Variants in RGPD3 observed in about 807,000 individuals in gnomAD.
The protein encoded by RGPD3 is ranBP2-like and GRIP domain-containing protein 3.
Under a neutral mutation model 154.5 loss-of-function variants are expected in RGPD3, and 62 were observed. The ratio of observed to expected loss-of-function variants is 0.40; its 90% CI spans 0.33 to 0.50. The LOEUF (loss-of-function observed/expected upper bound fraction) is 0.50, where lower values mean the gene tolerates loss of function less well. RGPD3 is among the 20% of genes least tolerant of loss of function. The probability of loss-of-function intolerance (pLI) is 0.59; values close to 1 mark genes in which losing one functional copy is unlikely to be tolerated. For synonymous variants in RGPD3, 308 were observed against 607.0 expected (o/e 0.51, Z 7.24); for missense variants, 919 against 1,716.8 (o/e 0.54, Z 8.21).
At chr2:106,470,816 AAGG>A, upstream of RGPD3, 1 of 1,604,122 alleles carries the variant, frequency 6.2e-7, no homozygotes, top group Non-Finnish European at 8.5e-7. Flanking sequence ...CCAATGATCC[AAGG>A]AGTTTACTAA....
chr2:106,431,575 T>C (rs1005713452), intron 17 of RGPD3, among the ~76,000 whole-genome samples: 1 of 152,176 alleles, frequency 6.6e-6, no homozygotes, highest in Admixed American at 6.5e-5. Context: ...ACCTGTATGT[T>C]AAGTCAAAAT....
intron 7 of RGPD3, among the ~76,000 whole-genome samples, 196 bp from the exon 8 acceptor site, chr2:106,441,576 C>T (rs561981361): frequency 1.3e-5 from 2 of 151,500 alleles, no homozygotes; most frequent in African/African-American, 2.4e-5. Context: ...CAGGTACAGG[C>T]GTGGTGGCTC....
Position 106,417,981 on chromosome 2 carries a change from T to C in RGPD3, c.4925-1992A>G, listed in dbSNP as rs534743646. ...CTATCTCTACTAAAAATGCAAAAAT[T>C]AGCCAGGCACAGTGGCAGGTGCCTG... On this transcript the variant is annotated intron_variant, in intron 20 of 22. Transcript: ENST00000409886. Among the ~76,000 whole-genome samples the C allele has an allele frequency of 6.1e-3, 900 of 147,152 alleles. 7 individuals carry two copies. Among genetic ancestry groups the C allele is most frequent in the African/African-American group, 9.5e-3 (375 of 39,608 alleles).
chr2:106,408,759 T>C (rs4012329), intron 22 of RGPD3, among the ~76,000 whole-genome samples: 4 of 152,064 alleles, frequency 2.6e-5, no homozygotes, highest in African/African-American at 7.2e-5. Flanking sequence ...ACCAGAAGTT[T>C]GACTGCAGCC....
chr2:106,405,171 A>C lies in RGPD3; in HGVS notation c.*48T>G. ...TCCTTCCATCAACCTATCGAAGTCCAAACCAACTACGAAGATAGGATGCCC... is the reference window on the plus strand; with the variant it reads ...TCCTTCCATCAACCTATCGAAGTCCCAACCAACTACGAAGATAGGATGCCC... On this transcript the variant is annotated 3_prime_UTR_variant, in exon 23 of 23. Transcript: ENST00000409886. 6.2e-7 allele frequency: 1 copy of C among 1,608,432 alleles called. No individual in the cohort carries two copies. The highest frequency in any genetic ancestry group is 8.5e-7 in the Non-Finnish European group (1 of 1,178,062).
intron 4 of RGPD3, among the ~76,000 whole-genome samples, chr2:106,454,877 A>G: frequency 6.6e-6 from 1 of 152,258 alleles, no homozygotes; most frequent in East Asian, 1.9e-4. Context: ...ACTGGGGAGA[A>G]AAACTTATCA....
At chr2:106,442,226 G>T (rs1357870738) in intron 7 of RGPD3, among the ~76,000 whole-genome samples, 1 of 102,988 alleles carries the variant, frequency 9.7e-6, no homozygotes, top group Non-Finnish European at 1.9e-5. Flanking sequence ...GCAGCTCTGA[G>T]AAATTAGTTT....
Position 106,468,126 on chromosome 2 carries a change from T to G in RGPD3, c.72+91A>C, listed in dbSNP as rs1057007427. On this transcript the variant is annotated intron_variant, in intron 1 of 22. Coordinates refer to ENST00000409886, the MANE Select transcript of RGPD3 (RefSeq NM_001144013.2). The stretch of plus-strand genomic sequence containing the variant: ...AGGGAGCAGCGCTCGTCGGGAGCCA[T>G]GACGCCTGAGCCATCGAGGCCGCCG... 158 of 1,478,266 alleles carry G rather than the reference T, an allele frequency of 1.1e-4. 1 individual carries two copies. The African/African-American group carries it at 1.6e-3, about 15-fold the overall frequency. The allele number at this position is 1,478,266 out of a possible 1,614,324, so 91.6% of individuals were successfully genotyped here.
chr2:106,439,954 TC>T (rs1339301997), intron 8 of RGPD3, among the ~76,000 whole-genome samples: 1 of 108,540 alleles, frequency 9.2e-6, no homozygotes, highest in African/African-American at 3.3e-5. Context: ...AAAATCATAG[TC>T]CTCGGATAAA....
chr2:106,447,670 T>C (rs1194288042), intron 6 of RGPD3, 57 bp from the exon 7 acceptor site: 2 of 88,168 alleles, frequency 2.3e-5, no homozygotes, highest in East Asian at 3.6e-4. Context: ...TGAATAATCA[T>C]GGTTCATTTA....
intron 7 of RGPD3, 69 bp from the exon 8 acceptor site, chr2:106,441,449 C>A (rs897160936): frequency 9.1e-6 from 8 of 879,280 alleles, no homozygotes; most frequent in African/African-American, 5.2e-5. Flanking sequence ...ATGGTCTTAT[C>A]TATTACACTG....
chr2:106,422,929 G>T lies in RGPD3; in HGVS notation c.4924+114C>A, dbSNP rs118040321. ...AAAAAATTGCTCAAATATTTTAGGG[G>T]TGTTCACAAAGCATCGTTCATATCC... On this transcript the variant is annotated intron_variant, in intron 20 of 22. Transcript: ENST00000409886. The T allele has an allele frequency of 4.7e-4, 756 of 1,593,636 alleles. 9 individuals carry two copies. The East Asian group carries it at 0.014, about 30-fold the overall frequency.
intron 6 of RGPD3, among the ~76,000 whole-genome samples, chr2:106,449,708 C>G (rs1024043545): frequency 1.3e-5 from 2 of 151,650 alleles, no homozygotes; most frequent in Admixed American, 1.3e-4. Flanking sequence ...CCAAGGTAGA[C>G]AGATCAAGAG....
chr2:106,411,896 C>G (rs1573239276), intron 22 of RGPD3, among the ~76,000 whole-genome samples: 1 of 152,072 alleles, frequency 6.6e-6, no homozygotes. Flanking sequence ...ATTTAGGATA[C>G]TATAAAAAGA....
At chr2:106,408,781 A>C (rs984002216) in intron 22 of RGPD3, among the ~76,000 whole-genome samples, 1 of 152,084 alleles carries the variant, frequency 6.6e-6, no homozygotes, top group Non-Finnish European at 1.5e-5. Context: ...CGAACCCCTT[A>C]TAACAAAGAA....
chr2:106,403,657 TCA>T lies in RGPD3; in HGVS notation c.*1560_*1561del, dbSNP rs1360082949. ...TCGTATGCAGCTGGCATACTCATAT[TCA>T]CAGTTTATAAAGTAAAAAAACTAAA... On this transcript the variant is annotated 3_prime_UTR_variant, in exon 23 of 23. Transcript: ENST00000409886. 9.2e-5 allele frequency among the ~76,000 whole-genome samples: 14 copies of T among 152,410 alleles called. No individual in the cohort carries two copies. In the East Asian group the frequency reaches 1.3e-3, roughly 15 times the overall value.
Position 106,413,160 on chromosome 2 carries a change from C to G in RGPD3, c.5190G>C (p.Glu1730Asp). 1.2e-6 allele frequency: 2 copies of G among 1,611,810 alleles called. No individual in the cohort carries two copies. Among genetic ancestry groups the G allele is most frequent in the Admixed American group, 3.3e-5 (2 of 60,004 alleles). The change falls in exon 22 of 23, where the codon GAG (glutamate) becomes GAC (aspartate). Residue 1730 changes from glutamate (E) to aspartate (D), a missense_variant. Physicochemically the swap from Glu to Asp is conservative, Grantham distance 45. Coordinates refer to ENST00000409886, the MANE Select transcript of RGPD3 (RefSeq NM_001144013.2). ...FIFLKPGSER[E>D]RLLPVINTML... Reference sequence around the variant, plus strand: ...TCGTATTTATAACAGGAAGAAGTCTCTCTCTTTCACTACCTGGCTTCAAGA... The same window carrying G: ...TCGTATTTATAACAGGAAGAAGTCTGTCTCTTTCACTACCTGGCTTCAAGA...
intron 1 of RGPD3, among the ~76,000 whole-genome samples, chr2:106,464,072 G>A (rs1349660004): frequency 3.3e-5 from 5 of 152,228 alleles, no homozygotes; most frequent in Non-Finnish European, 5.9e-5. Context: ...GGGGCCCGGC[G>A]CGGTGGCTCA....
At chr2:106,420,418 G>A (rs1676944707) in intron 20 of RGPD3, among the ~76,000 whole-genome samples, 1 of 151,922 alleles carries the variant, frequency 6.6e-6, no homozygotes, top group Non-Finnish European at 1.5e-5. Context: ...GGCTAAAGGA[G>A]TTTAATAAAG....
Sources: gnomAD v4.1 joint callset for allele counts (sites outside exome capture counted in the v4.1 genomes callset) on GRCh38, gnomAD v4.1.1 for gene constraint, MANE v1.5 for transcripts, NCBI Gene and HGNC (gene_info 2026-07-23, HGNC 2026-07-21) for gene names.